NPAS3: variants seen among roughly 807,000 people sequenced by gnomAD.
The protein encoded by NPAS3 is neuronal PAS domain-containing protein 3.
In NPAS3, 14 loss-of-function variants were observed where a neutral mutation model predicts 73.1. That is an observed-to-expected ratio of 0.19 (90% confidence interval 0.13 to 0.30). The LOEUF is 0.30. NPAS3 is among the 10% of genes least tolerant of loss of function. The pLI is 1.00. For synonymous variants in NPAS3, 620 were observed against 541.5 expected (o/e 1.14, Z -2.01); for missense variants, 1,096 against 1,250.0 (o/e 0.88, Z 1.86).
intron 1 of NPAS3, among the ~76,000 whole-genome samples, chr14:32,977,880 A>G (rs1329460055): frequency 6.6e-6 from 1 of 152,240 alleles, no homozygotes; most frequent in Non-Finnish European, 1.5e-5. Flanking sequence ...AATGCTATTT[A>G]TTACTGATAT....
At chr14:33,709,678 A>T (rs1445987826) in intron 6 of NPAS3, among the ~76,000 whole-genome samples, 2 of 152,188 alleles carry the variant, frequency 1.3e-5, no homozygotes, top group Non-Finnish European at 2.9e-5. Flanking sequence ...CATTTTATAG[A>T]TGAGAACACT....
intron 1 of NPAS3, among the ~76,000 whole-genome samples, chr14:32,990,971 A>T (rs986769529): frequency 3.4e-5 from 5 of 145,150 alleles, no homozygotes; most frequent in Admixed American, 3.4e-4. Flanking sequence ...TTGGAGGATT[A>T]ATCCATTTGT....
intron 4 of NPAS3, among the ~76,000 whole-genome samples, chr14:33,378,398 C>T (rs1329803147): frequency 6.6e-6 from 1 of 152,140 alleles, no homozygotes; most frequent in Non-Finnish European, 1.5e-5. Flanking sequence ...CACATATTCC[C>T]TTTTTAAGTT....
intron 5 of NPAS3, among the ~76,000 whole-genome samples, chr14:33,640,470 T>A (rs985165355): frequency 6.6e-6 from 1 of 152,182 alleles, no homozygotes; most frequent in Non-Finnish European, 1.5e-5. Flanking sequence ...CAAAAAAAAG[T>A]TTAAAATGCA....
At chr14:33,650,905 G>A (rs1318846966) in intron 5 of NPAS3, among the ~76,000 whole-genome samples, 1 of 152,204 alleles carries the variant, frequency 6.6e-6, no homozygotes, top group African/African-American at 2.4e-5. Flanking sequence ...CAGACTTGAA[G>A]CAGTTCTGAT....
chr14:33,362,043 C>T (rs185986561), intron 3 of NPAS3, among the ~76,000 whole-genome samples: 1 of 152,106 alleles, frequency 6.6e-6, no homozygotes, highest in African/African-American at 2.4e-5. Context: ...TATATGAAAA[C>T]AATAACAGTG....
At chr14:33,637,303 GATTTCTAATTTCATAATAA>G (rs1358667891) in intron 5 of NPAS3, among the ~76,000 whole-genome samples, 1 of 152,150 alleles carries the variant, frequency 6.6e-6, no homozygotes, top group Non-Finnish European at 1.5e-5. Flanking sequence ...TCTGGCATAT[GATTTCTAATTTCATAATAA>G]AGATGACCTA....
chr14:33,140,985 A>C (rs2044024404), intron 2 of NPAS3, among the ~76,000 whole-genome samples: 1 of 152,342 alleles, frequency 6.6e-6, no homozygotes, highest in South Asian at 2.1e-4. Context: ...TTGGACAAAC[A>C]ATGGCGGAGC....
intron 4 of NPAS3, among the ~76,000 whole-genome samples, chr14:33,544,788 T>TTATACATATATATA (rs1555409892): frequency 9.5e-5 from 6 of 63,256 alleles, no homozygotes; most frequent in African/African-American, 4.3e-4. Context: ...TGTGTGTGTA[T>TTATACATATATATA]TATATATATA....
At chr14:33,543,014 C>T (rs1206240069) in intron 4 of NPAS3, among the ~76,000 whole-genome samples, 3 of 152,230 alleles carry the variant, frequency 2.0e-5, no homozygotes, top group African/African-American at 7.2e-5. Context: ...CCATCACCCC[C>T]AGACATGCCC....
At chr14:33,083,110 G>T (rs2041910543) in intron 2 of NPAS3, among the ~76,000 whole-genome samples, 1 of 138,888 alleles carries the variant, frequency 7.2e-6, no homozygotes, top group South Asian at 2.3e-4. Context: ...TTCAACCTGG[G>T]AGACAGAGGT....
chr14:32,939,799 G>C (rs1415952473), intron 1 of NPAS3, among the ~76,000 whole-genome samples: 6 of 151,956 alleles, frequency 3.9e-5, no homozygotes, highest in Non-Finnish European at 5.9e-5. Context: ...AGGCTGGGGA[G>C]GGGGAGGGAA....
In NPAS3 at chr14:33,467,032, C is replaced by T. The variant is rs142669409; in HGVS notation, c.469-93089C>T. Among the ~76,000 whole-genome samples, 844 of 152,264 alleles carry T rather than the reference C, an allele frequency of 5.5e-3. 2 individuals carry two copies. Among genetic ancestry groups the T allele is most frequent in the Non-Finnish European group, 8.8e-3 (596 of 68,024 alleles). ...GTTCTTATTCATTGGTTGTGTTTTA[C>T]TAAATCTGTCTGTGAGTGGGTATAA... On this transcript the variant is annotated intron_variant, in intron 4 of 11. Coordinates refer to ENST00000356141, the Ensembl canonical transcript of NPAS3.
At chr14:32,969,137 C>T (rs1157691681) in intron 1 of NPAS3, among the ~76,000 whole-genome samples, 1 of 152,306 alleles carries the variant, frequency 6.6e-6, no homozygotes, top group East Asian at 1.9e-4. Context: ...TGTGGCTGTC[C>T]TGGTAGTCTC....
intron 1 of NPAS3, among the ~76,000 whole-genome samples, chr14:33,037,759 A>G (rs2040218981): frequency 6.6e-6 from 1 of 152,258 alleles, no homozygotes; most frequent in Non-Finnish European, 1.5e-5. Context: ...GCTTTAGATC[A>G]TTTGAAAGAA....
chr14:33,092,637 C>A (rs565708586), intron 2 of NPAS3, among the ~76,000 whole-genome samples: 2 of 152,276 alleles, frequency 1.3e-5, no homozygotes, highest in East Asian at 3.9e-4. Context: ...TCATATGGAA[C>A]CTAAAAAGAG....
chr14:33,524,696 G>A (rs1365870935), intron 4 of NPAS3, among the ~76,000 whole-genome samples: 1 of 152,144 alleles, frequency 6.6e-6, no homozygotes, highest in African/African-American at 2.4e-5. Context: ...CTGTAGGCTA[G>A]AAGTGTGAGA....
At chr14:33,132,471 G>A (rs867668177) in intron 2 of NPAS3, among the ~76,000 whole-genome samples, 5 of 152,110 alleles carry the variant, frequency 3.3e-5, no homozygotes, top group Non-Finnish European at 5.9e-5. Flanking sequence ...AAAATAATGA[G>A]ACTACAAGTT....
In NPAS3 at chr14:33,601,812, T is replaced by A. The variant is rs569279149; in HGVS notation, c.558+41602T>A. Among the ~76,000 whole-genome samples, 3 of 152,356 alleles carry A rather than the reference T, an allele frequency of 2.0e-5. No homozygotes were observed. In the South Asian group the frequency reaches 6.2e-4, roughly 32 times the overall value. On this transcript the variant is annotated intron_variant, in intron 5 of 11. Coordinates refer to ENST00000356141, the Ensembl canonical transcript of NPAS3. ...GTAAATATCCTCTTAAATGAAAGTT[T>A]GATCCGATCTGATTTGGAGTAAGCA...
Sources: allele counts gnomAD v4.1 joint callset (sites outside exome capture counted in the v4.1 genomes callset), GRCh38; gene constraint gnomAD v4.1.1; transcripts MANE v1.5; gene names NCBI Gene and HGNC (gene_info 2026-07-23, HGNC 2026-07-21).